HAMP: variants seen among roughly 807,000 people sequenced by gnomAD.
The protein encoded by HAMP is hepcidin antimicrobial peptide.
HAMP carries 5 observed loss-of-function variants against 7.8 expected under a neutral mutation model. That is an observed-to-expected ratio of 0.64 (90% confidence interval 0.33 to 1.34). The LOEUF (loss-of-function observed/expected upper bound fraction) is 1.34, where lower values mean the gene tolerates loss of function less well. Among genes scored for constraint, HAMP ranks in the 40% most tolerant of loss-of-function variants. The probability of loss-of-function intolerance (pLI) is 0.05; values close to 1 mark genes in which losing one functional copy is unlikely to be tolerated. For synonymous variants in HAMP, 52 were observed against 38.6 expected, an observed-to-expected ratio of 1.35 and a Z score of -1.28; for missense variants, 105 against 104.1, an observed-to-expected ratio of 1.01 and a Z score of -0.04.
At chr19:35,284,884 C>T in intron 2 of HAMP, 36 bp downstream of exon 2, 1 of 1,605,524 alleles carries the variant, frequency 6.2e-7, no homozygotes. Flanking sequence ...TAGCCCCCTG[C>T]TCCCTCCCCA....
At chr19:35,284,655 A>G (rs1207452957) in intron 1 of HAMP, 134 bp from the exon 2 acceptor site, 3 of 697,158 alleles carry the variant, frequency 4.3e-6, no homozygotes, top group Non-Finnish European at 7.7e-6. Context: ...CAGAAGCAAG[A>G]AAGCAAGGCC....
At chr19:35,283,229 G>A (rs2066311653) in intron 1 of HAMP, 1 of 171,310 alleles carries the variant, frequency 5.8e-6, no homozygotes, top group Non-Finnish European at 1.3e-5. Context: ...GATGAGAGAG[G>A]AGATTTCTCC....
chr19:35,284,717 G>T (rs1488975279), intron 1 of HAMP, 72 bp from the exon 2 acceptor site: 2 of 1,145,874 alleles, frequency 1.7e-6, no homozygotes, highest in African/African-American at 3.0e-5. Flanking sequence ...GAGAGGAGCA[G>T]GTTGCCGGGA....
rs375386964 is a variant in HAMP, at chr19:35,284,854, C to T, written c.150+6C>T. 5.4e-5 allele frequency: 87 copies of T among 1,612,466 alleles called. No individual in the cohort carries two copies. The East Asian group carries it at 5.6e-4, about 10-fold the overall frequency. ...GAGCCAGGGCCAGCTGGATGGTGAGCGCAACAGTGATGCCTTTCCTAGCCC... is the reference window on the plus strand; with the variant it reads ...GAGCCAGGGCCAGCTGGATGGTGAGTGCAACAGTGATGCCTTTCCTAGCCC... On this transcript the variant is annotated splice_donor_region_variant and intron_variant, in intron 2 of 2. Transcript: ENST00000222304.
At chr19:35,282,956 G>T (rs965094908) in intron 1 of HAMP, 2 of 387,318 alleles carry the variant, frequency 5.2e-6, no homozygotes, top group African/African-American at 4.2e-5. Context: ...TTGGTGGCAG[G>T]TGCCTGTAAT....
chr19:35,284,400 G>A (rs1227618671), intron 1 of HAMP: 7 of 319,456 alleles, frequency 2.2e-5, no homozygotes, highest in African/African-American at 1.3e-4. Flanking sequence ...AGCTATGACT[G>A]TGCCACTGCA....
intron 1 of HAMP, 67 bp from the exon 2 acceptor site, chr19:35,284,722 C>T: frequency 3.2e-6 from 4 of 1,231,020 alleles, no homozygotes; most frequent in Middle Eastern, 2.4e-4. Flanking sequence ...GAGCAGGTTG[C>T]CGGGAGCCAG....
intron 1 of HAMP, chr19:35,283,276 C>T (rs889636534): frequency 2.4e-5 from 4 of 166,424 alleles, no homozygotes; most frequent in African/African-American, 9.6e-5. Context: ...CTGATGAAAA[C>T]ATGAATAAAT....
rs771612441 is a variant in HAMP, at chr19:35,282,713, G to C, written c.90+46G>C. The C allele has an allele frequency of 5.5e-6, 8 of 1,454,698 alleles. No homozygotes were observed. In the East Asian group the frequency reaches 1.8e-4, roughly 33 times the overall value. The allele number at this position is 1,454,698 out of a possible 1,614,324, so 90.1% of individuals were successfully genotyped here. A position where few individuals can be genotyped will look rare whatever the true frequency, so the allele number is the denominator to read the frequency against. On this transcript the variant is annotated intron_variant, in intron 1 of 2. Transcript: ENST00000222304. ...GTCCTTAGCAGGGCAGCAGGGATGG[G>C]AGAGCCAGGCCTCAGCCTAGGGCAC...
At chr19:35,284,896 G>A in intron 2 of HAMP, 42 bp from the exon 3 acceptor site, 5 of 1,607,012 alleles carry the variant, frequency 3.1e-6, no homozygotes, top group Non-Finnish European at 4.3e-6. Context: ...CCCTCCCCAT[G>A]CTAAGGCCGG....
At chr19:35,283,758 C>T (rs1185089719) in intron 1 of HAMP, 1 of 150,824 alleles carries the variant, frequency 6.6e-6, no homozygotes, top group Non-Finnish European at 1.5e-5. Context: ...CATGCAGACA[C>T]TGATTTTTCC....
In HAMP at chr19:35,282,675, C is replaced by T. The variant is rs780585862; in HGVS notation, c.90+8C>T. 2.5e-6 allele frequency: 4 copies of T among 1,607,384 alleles called. No homozygotes were observed. The South Asian group carries it at 3.3e-5, about 13-fold the overall frequency. ...TCTGTTTTCCCACAACAGGTGAGAG[C>T]CCAGTGGCCTGGGTCCTTAGCAGGG... On this transcript the variant is annotated splice_region_variant and intron_variant, in intron 1 of 2. Transcript: ENST00000222304.
chr19:35,283,983 CAG>C (rs2066315023), intron 1 of HAMP: 1 of 151,954 alleles, frequency 6.6e-6, no homozygotes, highest in Non-Finnish European at 1.5e-5. Context: ...TTAGTAGAGA[CAG>C]GGTTTCACCA....
At chr19:35,284,618 A>G (rs1287882579) in intron 1 of HAMP, 171 bp from the exon 2 acceptor site, 1 of 583,616 alleles carries the variant, frequency 1.7e-6, no homozygotes, top group Non-Finnish European at 3.1e-6. Context: ...TTTTTTTTTT[A>G]GGAAAAGCCG....
In HAMP at chr19:35,285,123, C is replaced by T; in HGVS notation, c.*81C>T. 2.1e-6 allele frequency: 2 copies of T among 951,216 alleles called. No individual in the cohort carries two copies. The highest frequency in any genetic ancestry group is 3.5e-6 in the Non-Finnish European group (2 of 577,864). The allele number at this position is 951,216 out of a possible 1,614,324, so 58.9% of individuals were successfully genotyped here. A position where few individuals can be genotyped will look rare whatever the true frequency, so the allele number is the denominator to read the frequency against. On this transcript the variant is annotated 3_prime_UTR_variant, in exon 3 of 3. Coordinates refer to ENST00000222304, the MANE Select transcript of HAMP (RefSeq NM_021175.4). The stretch of plus-strand genomic sequence containing the variant: ...GAACATAGGTCTTGGAATAAAATGG[C>T]TGGTTCTTTTGTTTTCCAAACCAGA...
Position 35,282,535 on chromosome 19 carries a change from C to A in HAMP, c.-43C>A, listed in dbSNP as rs768089157. 2.7e-6 allele frequency: 4 copies of A among 1,503,942 alleles called. No individual in the cohort carries two copies. In the East Asian group the frequency reaches 6.8e-5, roughly 25 times the overall value. 93.2% of individuals were successfully genotyped at this position (1,503,942 alleles called of 1,614,324 possible). On this transcript the variant is annotated 5_prime_UTR_variant, in exon 1 of 3. Transcript: ENST00000222304. ...TGTCACTCGGTCCCAGACACCAGAG[C>A]AAGCTCAAGACCCAGCAGTGGGACA...
At chr19:35,283,393 A>C (rs1490817670) in intron 1 of HAMP, 2 of 152,770 alleles carry the variant, frequency 1.3e-5, no homozygotes, top group Non-Finnish European at 2.9e-5. Flanking sequence ...TGTTTTTTAG[A>C]GACAGGGTCT....
At chr19:35,284,599 C>T in intron 1 of HAMP, 190 bp from the exon 2 acceptor site, 1 of 598,552 alleles carries the variant, frequency 1.7e-6, no homozygotes, top group South Asian at 2.0e-5. Flanking sequence ...GGAGGCGGAT[C>T]TGGGAGGTTT....
chr19:35,284,082 A>G (rs969012976), intron 1 of HAMP: 1 of 152,702 alleles, frequency 6.5e-6, no homozygotes, highest in Non-Finnish European at 1.5e-5. Context: ...GGCGTGAGCC[A>G]CTGCGCCCAG....
Sources: allele counts gnomAD v4.1 joint callset, GRCh38; gene constraint gnomAD v4.1.1; transcripts MANE v1.5; gene names NCBI Gene and HGNC (gene_info 2026-07-23, HGNC 2026-07-21).